The following AUTS2 variants were observed in gnomAD, a reference collection of about 807,000 sequenced individuals.
AUTS2 encodes autism susceptibility gene 2 protein.
Under a neutral mutation model 112.4 loss-of-function variants are expected in AUTS2, and 17 were observed. The ratio of observed to expected loss-of-function variants is 0.15; its 90% CI spans 0.10 to 0.23. The LOEUF is 0.23. Among genes scored for constraint, AUTS2 ranks in the 10% least tolerant of loss-of-function variants. The pLI is 1.00. For missense variants in AUTS2, 1,510 were observed against 1,701.6 expected, an observed-to-expected ratio of 0.89 and a Z score of 1.98; for synonymous variants, 751 against 702.7, an observed-to-expected ratio of 1.07 and a Z score of -1.09.
chr7:70,029,201 T>G (rs1321593124), intron 2 of AUTS2, among the ~76,000 whole-genome samples: 1 of 151,758 alleles, frequency 6.6e-6, no homozygotes. Flanking sequence ...AAGAGTTAAA[T>G]ATGGAGCACT....
chr7:70,130,575 G>A (rs1242372053), intron 3 of AUTS2, among the ~76,000 whole-genome samples: 4 of 152,074 alleles, frequency 2.6e-5, no homozygotes, highest in Non-Finnish European at 5.9e-5. Context: ...GCAGCCCGTG[G>A]TAGCATGAAG....
At chr7:70,563,844 A>G (rs796827088) in intron 5 of AUTS2, among the ~76,000 whole-genome samples, 5 of 152,330 alleles carry the variant, frequency 3.3e-5, no homozygotes, top group African/African-American at 1.2e-4. Flanking sequence ...CAGATCAATG[A>G]TCTTCACTTA....
intron 1 of AUTS2, among the ~76,000 whole-genome samples, chr7:69,748,839 G>T (rs745391100): frequency 1.3e-4 from 20 of 152,108 alleles, no homozygotes; most frequent in Non-Finnish European, 2.4e-4. Context: ...GTGTGTCAGA[G>T]AGCTCTTGTC....
chr7:70,022,403 C>T (rs189198106), intron 2 of AUTS2, among the ~76,000 whole-genome samples: 1 of 151,904 alleles, frequency 6.6e-6, no homozygotes, highest in East Asian at 1.9e-4. Context: ...TCACTGCAAC[C>T]TGTCCCTCTT....
chr7:70,483,813 A>AG (rs1797882215), intron 5 of AUTS2, among the ~76,000 whole-genome samples: 1 of 152,064 alleles, frequency 6.6e-6, no homozygotes, highest in African/African-American at 2.4e-5. Context: ...AAGAAAAAAA[A>AG]AACTTATTAA....
At chr7:69,603,858 C>T (rs757358254) in intron 1 of AUTS2, among the ~76,000 whole-genome samples, 1 of 152,094 alleles carries the variant, frequency 6.6e-6, no homozygotes, top group Non-Finnish European at 1.5e-5. Context: ...TCAGTGTGTC[C>T]TGATGTGTTA....
At chr7:70,731,334 C>CTTTT (rs1787372071) in intron 6 of AUTS2, among the ~76,000 whole-genome samples, 1 of 132,698 alleles carries the variant, frequency 7.5e-6, no homozygotes, top group African/African-American at 2.8e-5. Context: ...TTTTTTTTTA[C>CTTTT]TTTTTATTTG....
chr7:70,630,691 T>C (rs1805213167), intron 5 of AUTS2, among the ~76,000 whole-genome samples: 1 of 152,222 alleles, frequency 6.6e-6, no homozygotes, highest in South Asian at 2.1e-4. Context: ...TTCTCGGAAC[T>C]AGCTGAGCTG....
At chr7:69,867,415 T>C (rs1793284793) in intron 1 of AUTS2, among the ~76,000 whole-genome samples, 1 of 152,228 alleles carries the variant, frequency 6.6e-6, no homozygotes, top group Admixed American at 6.5e-5. Context: ...AATAGGAAGA[T>C]GACTAACACA....
intron 4 of AUTS2, among the ~76,000 whole-genome samples, chr7:70,204,017 A>G (rs1810444150): frequency 1.3e-5 from 2 of 149,632 alleles, no homozygotes; most frequent in Non-Finnish European, 3.0e-5. Flanking sequence ...GCATTTTTGT[A>G]TATACGTGTA....
chr7:70,412,241 T>C (rs571734385), intron 4 of AUTS2, among the ~76,000 whole-genome samples: 257 of 152,294 alleles, frequency 1.7e-3, no homozygotes, highest in Non-Finnish European at 3.0e-3. Context: ...AATTTGGCCT[T>C]CAACAAACTA....
At chr7:69,878,848 C>T (rs993391088) in intron 1 of AUTS2, among the ~76,000 whole-genome samples, 1 of 152,258 alleles carries the variant, frequency 6.6e-6, no homozygotes, top group Middle Eastern at 3.4e-3. Context: ...TGTTTCTATA[C>T]TCAACCAGTC....
At chr7:70,160,028 G>A (rs528258767) in intron 4 of AUTS2, among the ~76,000 whole-genome samples, 6 of 152,132 alleles carry the variant, frequency 3.9e-5, no homozygotes, top group African/African-American at 1.2e-4. Context: ...TAGTTTTAGA[G>A]CTTCTACCTA....
intron 4 of AUTS2, among the ~76,000 whole-genome samples, chr7:70,169,775 T>C (rs1477665575): frequency 6.6e-6 from 1 of 152,190 alleles, no homozygotes; most frequent in Non-Finnish European, 1.5e-5. Context: ...CATATAAAAT[T>C]GTCTTCACGA....
intron 2 of AUTS2, among the ~76,000 whole-genome samples, chr7:70,025,450 CTTT>C (rs970909285): frequency 4.5e-5 from 6 of 134,468 alleles, no homozygotes; most frequent in Non-Finnish European, 6.5e-5. Flanking sequence ...TTTTTGTTTC[CTTT>C]TTTTTTTTTT....
At chr7:70,466,414 T>C (rs896853007) in intron 5 of AUTS2, among the ~76,000 whole-genome samples, 1 of 152,252 alleles carries the variant, frequency 6.6e-6, no homozygotes, top group Non-Finnish European at 1.5e-5. Flanking sequence ...CTGTTATTCA[T>C]GCATTCATTT....
intron 1 of AUTS2, among the ~76,000 whole-genome samples, chr7:69,720,167 C>CT (rs1281838798): frequency 2.0e-5 from 3 of 152,176 alleles, no homozygotes; most frequent in Non-Finnish European, 4.4e-5. Context: ...ACAATTATGT[C>CT]TGGAATCTCA....
At chr7:70,472,248 C>T (rs1369465439) in intron 5 of AUTS2, among the ~76,000 whole-genome samples, 3 of 152,220 alleles carry the variant, frequency 2.0e-5, no homozygotes, top group African/African-American at 4.8e-5. Flanking sequence ...ACTGATGGAC[C>T]GAGTTACGAT....
chr7:70,302,495 A>G (rs1403532375), intron 4 of AUTS2, among the ~76,000 whole-genome samples: 1 of 152,108 alleles, frequency 6.6e-6, no homozygotes, highest in Non-Finnish European at 1.5e-5. Context: ...AAACACCATA[A>G]TTCCAAATGG....
Sources: allele counts gnomAD v4.1 joint callset (sites outside exome capture counted in the v4.1 genomes callset), GRCh38; gene constraint gnomAD v4.1.1; transcripts MANE v1.5; gene names NCBI Gene and HGNC (gene_info 2026-07-23, HGNC 2026-07-21).